Variants in CWH43 observed in about 807,000 individuals in gnomAD.
The protein encoded by CWH43 is PGAP2-interacting protein.
CWH43 carries 91 observed loss-of-function variants against 85.7 expected under a neutral mutation model. The ratio of observed to expected loss-of-function variants is 1.06; its 90% CI spans 0.90 to 1.26. The LOEUF is 1.26. Ranked by LOEUF, CWH43 falls within the 50% of genes most tolerant of loss-of-function variation. CWH43 has a pLI of 0.00. For missense variants in CWH43, 869 were observed against 839.2 expected (o/e 1.04, Z -0.44); for synonymous variants, 323 against 293.6 (o/e 1.10, Z -1.02).
At chr4:49,048,286 A>G (rs1470016815) in intron 14 of CWH43, among the ~76,000 whole-genome samples, 1 of 151,574 alleles carries the variant, frequency 6.6e-6, no homozygotes, top group Admixed American at 6.6e-5. Context: ...GTTTATATAT[A>G]TATACACACT....
intron 8 of CWH43, among the ~76,000 whole-genome samples, chr4:49,015,262 GTT>G (rs141292288): frequency 3.9e-4 from 56 of 144,830 alleles, no homozygotes; most frequent in African/African-American, 1.4e-3. Flanking sequence ...ATTGATTAGG[GTT>G]TTTTTTTTCC....
At chr4:49,048,318 C>G (rs181102553) in intron 14 of CWH43, among the ~76,000 whole-genome samples, 39 of 150,994 alleles carry the variant, frequency 2.6e-4, no homozygotes, top group African/African-American at 7.8e-4. Flanking sequence ...TATATATATA[C>G]ACTCTGTGTG....
rs1320815746 is a variant in CWH43 at position 49,038,115 on chromosome 4, G to T, written c.1738G>T (p.Gly580Ter). ...KSSSNQVIFL[G>*]YITSAPGSRD... ...TAGCTCTAATCAAGTGATATTTCTG[G>T]GATATATCACTTCAGCACCTGGCTC... is the stretch of plus-strand genomic sequence containing the variant. Residue 580 changes from glycine (G) to a stop codon, truncating the protein, a stop_gained, in exon 13 of 16, where the codon GGA becomes TGA. Transcript: ENST00000226432. LOFTEE classifies it high-confidence loss of function. 1 of 1,610,262 alleles carries T rather than the reference G, an allele frequency of 6.2e-7. No individual in the cohort carries two copies. The highest frequency in any genetic ancestry group is 1.3e-5 in the African/African-American group (1 of 74,856).
intron 9 of CWH43, among the ~76,000 whole-genome samples, chr4:49,026,445 C>T (rs543069420): frequency 3.9e-4 from 60 of 152,270 alleles, no homozygotes; most frequent in African/African-American, 1.4e-3. Flanking sequence ...CCGTGTGCTG[C>T]TCTCTCTGTT....
At chr4:49,041,537 T>G (rs984086326) in intron 13 of CWH43, among the ~76,000 whole-genome samples, 6 of 152,226 alleles carry the variant, frequency 3.9e-5, no homozygotes, top group African/African-American at 2.4e-5. Context: ...ATGATTTGGC[T>G]CTCTGTTTGT....
intron 12 of CWH43, among the ~76,000 whole-genome samples, chr4:49,036,181 T>G (rs1784256921): frequency 6.6e-6 from 1 of 152,122 alleles, no homozygotes; most frequent in Admixed American, 6.6e-5. Flanking sequence ...ATGTTGCTCT[T>G]CTCCCAACGT....
intron 13 of CWH43, 80 bp downstream of exon 13, chr4:49,038,260 C>T (rs945130318): frequency 7.6e-7 from 1 of 1,313,378 alleles, no homozygotes. Flanking sequence ...AAACCAACCT[C>T]ACCTAAAAAT....
intron 1 of CWH43, among the ~76,000 whole-genome samples, chr4:48,987,392 G>A (rs757339354): frequency 2.0e-5 from 3 of 152,130 alleles, no homozygotes; most frequent in Non-Finnish European, 2.9e-5. Flanking sequence ...AGAAGGGGAG[G>A]TTGGAAAGTC....
rs1464300377 is a variant in CWH43 at position 48,986,283 on chromosome 4, G to A, written c.-147G>A. 4 of 748,402 alleles carry A rather than the reference G, an allele frequency of 5.3e-6. No homozygotes were observed. In the African/African-American group the frequency reaches 5.5e-5, roughly 10 times the overall value. 46.4% of individuals were successfully genotyped at this position (748,402 alleles called of 1,614,324 possible). On this transcript the variant is annotated 5_prime_UTR_variant, in exon 1 of 16. Coordinates refer to ENST00000226432, the MANE Select transcript of CWH43 (RefSeq NM_025087.3). ...GGTTCGGCAAGTGGGTCAGTTGGCT[G>A]GGGCTCACTTGGCAACGGGACGCGG...
At chr4:49,013,578 C>T (rs993679968) in intron 8 of CWH43, among the ~76,000 whole-genome samples, 2 of 152,232 alleles carry the variant, frequency 1.3e-5, no homozygotes, top group African/African-American at 4.8e-5. Flanking sequence ...CTGTGTCGAT[C>T]ATGCTGGGAG....
At chr4:49,026,627 A>G (rs1783926328) in intron 9 of CWH43, among the ~76,000 whole-genome samples, 1 of 152,180 alleles carries the variant, frequency 6.6e-6, no homozygotes, top group South Asian at 2.1e-4. Flanking sequence ...ACAAGTAAGA[A>G]CATACGATAT....
chr4:49,008,781 T>G (rs750472568), intron 8 of CWH43, among the ~76,000 whole-genome samples: 15 of 152,098 alleles, frequency 9.9e-5, no homozygotes, highest in Non-Finnish European at 1.5e-4. Context: ...GATCAGATGG[T>G]TGTAGATGTG....
intron 7 of CWH43, 128 bp from the exon 8 acceptor site, chr4:49,007,073 A>G: frequency 9.5e-7 from 1 of 1,056,142 alleles, no homozygotes; most frequent in South Asian, 2.6e-5. Flanking sequence ...TTAGGTTCTG[A>G]GATAAATTAA....
At chr4:49,006,507 A>G (rs1261230558) in intron 7 of CWH43, among the ~76,000 whole-genome samples, 1 of 152,252 alleles carries the variant, frequency 6.6e-6, no homozygotes, top group East Asian at 1.9e-4. Flanking sequence ...AAAATTGGAC[A>G]CCGCTGTTTT....
chr4:49,029,503 C>T (rs1207667110), intron 10 of CWH43, among the ~76,000 whole-genome samples: 1 of 152,096 alleles, frequency 6.6e-6, no homozygotes, highest in Non-Finnish European at 1.5e-5. Flanking sequence ...ACCTGACTGT[C>T]CCCCAGCCCG....
intron 11 of CWH43, chr4:49,031,368 G>C (rs1413088167): frequency 6.4e-6 from 1 of 156,710 alleles, no homozygotes; most frequent in Non-Finnish European, 1.4e-5. Flanking sequence ...AGTGGCCATG[G>C]AAATGCTACT....
Position 48,988,591 on chromosome 4 carries a change from T to A in CWH43, c.158T>A (p.Ile53Lys). 6.2e-7 allele frequency: 1 copy of A among 1,613,614 alleles called. No individual in the cohort carries two copies. The highest frequency in any genetic ancestry group is 2.2e-5 in the East Asian group (1 of 44,868). ...EGFSIAFLSPIFLTITPFWKL... is the reference protein window; with the variant it reads ...EGFSIAFLSPKFLTITPFWKL... ...TTTAGTATAGCATTTCTTTCTCCAA[T>A]ATTCCTAACAATTACTCCTTTCTGG... is the stretch of plus-strand genomic sequence containing the variant. Residue 53 changes from isoleucine (I) to lysine (K), a missense_variant, in exon 2 of 16, where the codon ATA becomes AAA. Transcript: ENST00000226432.
chr4:49,001,654 A>G (rs1782993807), intron 6 of CWH43, among the ~76,000 whole-genome samples: 1 of 152,142 alleles, frequency 6.6e-6, no homozygotes, highest in Non-Finnish European at 1.5e-5. Context: ...GTAATTTTGA[A>G]TTTATAACCT....
intron 5 of CWH43, 27 bp downstream of exon 5, chr4:48,994,847 A>T: frequency 3.1e-6 from 5 of 1,601,022 alleles, no homozygotes; most frequent in Non-Finnish European, 4.3e-6. Context: ...AAGCAATCAC[A>T]AAATCGGCAG....
Sources: gnomAD v4.1 joint callset for allele counts (sites outside exome capture counted in the v4.1 genomes callset) on GRCh38, gnomAD v4.1.1 for gene constraint, MANE v1.5 for transcripts, NCBI Gene and HGNC (gene_info 2026-07-23, HGNC 2026-07-21) for gene names.